Variants in STK32B observed in about 807,000 individuals in gnomAD.
STK32B encodes the protein serine/threonine kinase 32B.
Under a neutral mutation model 52.6 loss-of-function variants are expected in STK32B, and 43 were observed. The ratio of observed to expected loss-of-function variants is 0.82; its 90% CI spans 0.64 to 1.05. STK32B has a LOEUF of 1.05. Ranked by LOEUF, STK32B falls within the 50% of genes least tolerant of loss-of-function variation. The probability of loss-of-function intolerance (pLI) is 0.00; values close to 1 mark genes in which losing one functional copy is unlikely to be tolerated. For synonymous variants in STK32B, 238 were observed against 204.3 expected (o/e 1.17, Z -1.41); for missense variants, 621 against 534.6 (o/e 1.16, Z -1.59).
chr4:5,151,282 T>C (rs1193292004), intron 2 of STK32B, among the ~76,000 whole-genome samples: 1 of 152,216 alleles, frequency 6.6e-6, no homozygotes, highest in Non-Finnish European at 1.5e-5. Flanking sequence ...CTGCCTTTCA[T>C]AATAAATGCA....
intron 11 of STK32B, among the ~76,000 whole-genome samples, chr4:5,494,587 T>G (rs1305654081): frequency 6.6e-6 from 1 of 152,180 alleles, no homozygotes; most frequent in Non-Finnish European, 1.5e-5. Flanking sequence ...TTAAGGTTAA[T>G]ATTGTTATGT....
intron 4 of STK32B, among the ~76,000 whole-genome samples, chr4:5,370,848 C>A (rs186171280): frequency 1.3e-5 from 2 of 151,968 alleles, no homozygotes; most frequent in African/African-American, 4.8e-5. Context: ...TGGTGCATGC[C>A]TGTAGTCCCA....
At chr4:5,151,263 A>G (rs1391337427) in intron 2 of STK32B, among the ~76,000 whole-genome samples, 1 of 152,222 alleles carries the variant, frequency 6.6e-6, no homozygotes, top group East Asian at 1.9e-4. Flanking sequence ...TTAAAATGCT[A>G]AATAATCACT....
At chr4:5,284,569 A>G (rs946141749) in intron 3 of STK32B, among the ~76,000 whole-genome samples, 2 of 152,206 alleles carry the variant, frequency 1.3e-5, no homozygotes, top group Admixed American at 1.3e-4. Context: ...TACAGACCGT[A>G]CACGGGGACA....
intron 3 of STK32B, among the ~76,000 whole-genome samples, chr4:5,266,934 A>G (rs1464840020): frequency 6.6e-6 from 1 of 152,142 alleles, no homozygotes; most frequent in Non-Finnish European, 1.5e-5. Flanking sequence ...CCTTGATCAT[A>G]TACTTTAAAA....
chr4:5,460,364 C>G lies in STK32B; in HGVS notation c.909+136C>G. On this transcript the variant is annotated intron_variant, in intron 9 of 11. Transcript: ENST00000282908. This position sits in a 1 kb window ranked among gnomAD's most constrained non-coding sequence, Gnocchi z 4.8. ...CTGAGCACCAAGGGCTTATGTCTTG[C>G]TGGAATTCAGGGTGAACTTGGGCCT... 7.3e-7 allele frequency: 1 copy of G among 1,376,746 alleles called. No individual in the cohort carries two copies. The highest frequency in any genetic ancestry group is 9.8e-7 in the Non-Finnish European group (1 of 1,022,474). 85.3% of individuals were successfully genotyped at this position (1,376,746 alleles called of 1,614,324 possible).
intron 11 of STK32B, among the ~76,000 whole-genome samples, chr4:5,489,357 T>A (rs1719498453): frequency 6.6e-6 from 1 of 152,218 alleles, no homozygotes; most frequent in African/African-American, 2.4e-5. Flanking sequence ...ACCCTAAAGT[T>A]AAATGCATGG....
chr4:5,421,214 CA>C (rs1560397445), intron 6 of STK32B, among the ~76,000 whole-genome samples: 1 of 152,160 alleles, frequency 6.6e-6, no homozygotes, highest in Non-Finnish European at 1.5e-5. Flanking sequence ...CTTAGCCTCC[CA>C]AGTAGCTGGG....
In STK32B at chr4:5,448,169, A is replaced by T. The variant is rs138194991; in HGVS notation, c.666+1393A>T. Reference sequence around the variant, plus strand: ...CAATTTTCTGCTCTTGATCTCAGTTATTTCCCCTGAATTCCTCAAAAACAT... The same window carrying T: ...CAATTTTCTGCTCTTGATCTCAGTTTTTTCCCCTGAATTCCTCAAAAACAT... On this transcript the variant is annotated intron_variant, in intron 7 of 11. Transcript: ENST00000282908. Among the ~76,000 whole-genome samples the T allele has an allele frequency of 2.7e-3, 414 of 152,306 alleles. 1 individual carries two copies. Among genetic ancestry groups the T allele is most frequent in the African/African-American group, 8.8e-3 (365 of 41,572 alleles).
At position 5,242,186 on chromosome 4, in the gene STK32B, CCCA is replaced by C. The variant is rs369214047; in HGVS notation, c.260+73740_260+73742del. On this transcript the variant is annotated intron_variant, in intron 3 of 11. Transcript: ENST00000282908. The stretch of plus-strand genomic sequence containing the variant: ...CACAATGGCTGAATTAGTTTACAGT[CCCA>C]CCAACAGTGTATAAGTGTTCCTATT... Among the ~76,000 whole-genome samples the C allele has an allele frequency of 3.5e-3, 534 of 152,272 alleles. 4 individuals are homozygous for C. The highest frequency in any genetic ancestry group is 0.015 in the South Asian group (74 of 4,824).
intron 8 of STK32B, among the ~76,000 whole-genome samples, chr4:5,457,196 G>A (rs996199086): frequency 3.4e-5 from 5 of 147,272 alleles, no homozygotes; most frequent in African/African-American, 1.3e-4. Flanking sequence ...AATAATGCAT[G>A]TGGGGTTTTT....
At chr4:5,179,814 C>G (rs1233901094) in intron 3 of STK32B, among the ~76,000 whole-genome samples, 1 of 152,202 alleles carries the variant, frequency 6.6e-6, no homozygotes, top group African/African-American at 2.4e-5. Flanking sequence ...TGATGTTGGC[C>G]TTGCACTGCC....
At chr4:5,267,603 C>A (rs1306578456) in intron 3 of STK32B, among the ~76,000 whole-genome samples, 2 of 152,138 alleles carry the variant, frequency 1.3e-5, no homozygotes, top group Non-Finnish European at 2.9e-5. Flanking sequence ...AAGTCTGGCA[C>A]ACAGTAAGTC....
chr4:5,298,134 G>T (rs1316004887), intron 3 of STK32B, among the ~76,000 whole-genome samples: 1 of 152,164 alleles, frequency 6.6e-6, no homozygotes, highest in Non-Finnish European at 1.5e-5. Context: ...AGCAAAGATT[G>T]CTGCCTGCTC....
intron 3 of STK32B, among the ~76,000 whole-genome samples, chr4:5,181,016 G>C (rs201827784): frequency 1.3e-5 from 2 of 152,044 alleles, no homozygotes; most frequent in African/African-American, 4.8e-5. Flanking sequence ...CCATGAGTGG[G>C]AGCCCTGGTG....
At chr4:5,422,820 G>A (rs1455790337) in intron 6 of STK32B, among the ~76,000 whole-genome samples, 2 of 152,142 alleles carry the variant, frequency 1.3e-5, no homozygotes, top group Non-Finnish European at 2.9e-5. Context: ...GGGGAGATGA[G>A]ATCTTTTTGG....
chr4:5,311,914 A>ATATATAT (rs143725868), intron 3 of STK32B, among the ~76,000 whole-genome samples: 3,837 of 145,442 alleles, frequency 0.026, 82 homozygotes, highest in African/African-American at 0.062. Context: ...ATATATATAT[A>ATATATAT]TTTTTTTTTA....
chr4:5,404,531 C>T (rs576060946), intron 5 of STK32B, among the ~76,000 whole-genome samples: 2 of 152,248 alleles, frequency 1.3e-5, no homozygotes, highest in Admixed American at 1.3e-4. Flanking sequence ...TCGACCACTA[C>T]TGAAAATCCT....
intron 4 of STK32B, among the ~76,000 whole-genome samples, chr4:5,373,593 A>T (rs1221102393): frequency 1.3e-5 from 2 of 151,662 alleles, no homozygotes; most frequent in African/African-American, 2.4e-5. Context: ...TATGAATCTC[A>T]TCCAAACACC....
Sources: gnomAD v4.1 joint callset for allele counts (sites outside exome capture counted in the v4.1 genomes callset) on GRCh38, gnomAD v4.1.1 for gene constraint, Gnocchi (gnomAD v3.1) non-coding constraint, MANE v1.5 for transcripts, NCBI Gene and HGNC (gene_info 2026-07-23, HGNC 2026-07-21) for gene names.